Variants in SLX4IP observed in about 807,000 individuals in gnomAD.
SLX4IP encodes the protein SLX4 interacting protein.
In SLX4IP, 34 loss-of-function variants were observed where a neutral mutation model predicts 32.9. The observed-to-expected ratio is 1.03, with a 90% confidence interval of 0.79 to 1.38. The LOEUF (loss-of-function observed/expected upper bound fraction) is 1.38. Ranked by LOEUF, SLX4IP falls within the 40% of genes most tolerant of loss-of-function variation. The probability of loss-of-function intolerance (pLI) is 0.00; values close to 1 mark genes in which losing one functional copy is unlikely to be tolerated. For missense variants in SLX4IP, 444 were observed against 479.0 expected (o/e 0.93, Z 0.68); for synonymous variants, 172 against 171.7 (o/e 1.00, Z -0.01).
chr20:10,547,235 G>A (rs1600987712), intron 2 of SLX4IP, among the ~76,000 whole-genome samples: 1 of 152,204 alleles, frequency 6.6e-6, no homozygotes, highest in East Asian at 1.9e-4. Flanking sequence ...AGAAGCTGCT[G>A]TCAAAGTCAT....
At chr20:10,610,731 AT>A (rs1232250598) in intron 6 of SLX4IP, among the ~76,000 whole-genome samples, 4 of 152,138 alleles carry the variant, frequency 2.6e-5, no homozygotes, top group African/African-American at 9.7e-5. Flanking sequence ...GCCACTTTTC[AT>A]TTCACCTCCT....
intron 1 of SLX4IP, among the ~76,000 whole-genome samples, chr20:10,439,268 G>A (rs1568681600): frequency 6.6e-6 from 1 of 152,036 alleles, no homozygotes; most frequent in East Asian, 1.9e-4. Context: ...GAGTGCAGTG[G>A]TATGATCTCA....
chr20:10,616,163 C>A (rs2067026581), intron 6 of SLX4IP, among the ~76,000 whole-genome samples: 1 of 152,082 alleles, frequency 6.6e-6, no homozygotes, highest in Non-Finnish European at 1.5e-5. Context: ...TTCTCTTTCT[C>A]CCACTCTCTA....
chr20:10,472,521 T>C (rs1256533927), intron 2 of SLX4IP, among the ~76,000 whole-genome samples: 2 of 152,294 alleles, frequency 1.3e-5, no homozygotes, highest in East Asian at 1.9e-4. Flanking sequence ...TGAACCACCA[T>C]GCCCGGCCTG....
intron 4 of SLX4IP, among the ~76,000 whole-genome samples, chr20:10,567,366 A>G (rs2052037254): frequency 6.6e-6 from 1 of 152,168 alleles, no homozygotes; most frequent in African/African-American, 2.4e-5. Context: ...AAATAGTTTA[A>G]TGTTGTTTTA....
intron 2 of SLX4IP, 146 bp downstream of exon 2, chr20:10,458,377 A>T: frequency 1.6e-6 from 1 of 606,212 alleles, no homozygotes; most frequent in Non-Finnish European, 2.7e-6. Context: ...TTCAACTTTT[A>T]AGTTCTGGGG....
chr20:10,559,905 G>A (rs1193762892), intron 3 of SLX4IP, among the ~76,000 whole-genome samples: 1 of 152,176 alleles, frequency 6.6e-6, no homozygotes, highest in East Asian at 1.9e-4. Flanking sequence ...ATCAACAAGA[G>A]CGTAGAAGAA....
intron 2 of SLX4IP, among the ~76,000 whole-genome samples, chr20:10,530,745 A>C (rs751133505): frequency 6.6e-6 from 1 of 152,206 alleles, no homozygotes; most frequent in East Asian, 1.9e-4. Context: ...TAAAAAGAAA[A>C]TTAATTTTGC....
chr20:10,512,685 T>C (rs1003571335), intron 2 of SLX4IP, among the ~76,000 whole-genome samples: 1 of 142,388 alleles, frequency 7.0e-6, no homozygotes, highest in African/African-American at 2.6e-5. Flanking sequence ...TGTATATATA[T>C]TTTATATATA....
chr20:10,522,658 C>T (rs1194846213), intron 2 of SLX4IP, among the ~76,000 whole-genome samples: 1 of 152,196 alleles, frequency 6.6e-6, no homozygotes, highest in East Asian at 1.9e-4. Context: ...TCACTCAGTC[C>T]TGGGGAGGGA....
chr20:10,619,207 CTTTTTTTTTCT>C (rs2067076444), intron 6 of SLX4IP, among the ~76,000 whole-genome samples: 2 of 142,572 alleles, frequency 1.4e-5, no homozygotes, highest in Admixed American at 7.1e-5. Context: ...TTTTTCTTTT[CTTTTTTTTTCT>C]TTTTTTTTTT....
chr20:10,539,575 A>C (rs1185473497), intron 2 of SLX4IP, among the ~76,000 whole-genome samples: 1 of 151,938 alleles, frequency 6.6e-6, no homozygotes, highest in Non-Finnish European at 1.5e-5. Flanking sequence ...CTGCCTCCCT[A>C]TCTCTAATGT....
intron 2 of SLX4IP, among the ~76,000 whole-genome samples, chr20:10,480,826 C>G (rs1477590960): frequency 1.3e-5 from 2 of 152,154 alleles, no homozygotes; most frequent in African/African-American, 4.8e-5. Context: ...TCCTCTTTGC[C>G]TTTATATTTG....
At chr20:10,436,156 A>C (rs2065111968) in intron 1 of SLX4IP, among the ~76,000 whole-genome samples, 1 of 152,128 alleles carries the variant, frequency 6.6e-6, no homozygotes, top group Non-Finnish European at 1.5e-5. Context: ...CTAGCGTTAA[A>C]ACTAATATTC....
chr20:10,469,043 G>A (rs1224586219), intron 2 of SLX4IP, among the ~76,000 whole-genome samples: 3 of 151,954 alleles, frequency 2.0e-5, no homozygotes, highest in African/African-American at 4.8e-5. Context: ...AAAAAAAATC[G>A]CAAAAAAAAT....
chr20:10,608,713 C>T (rs974614969), intron 6 of SLX4IP, among the ~76,000 whole-genome samples: 2 of 150,464 alleles, frequency 1.3e-5, no homozygotes, highest in African/African-American at 2.4e-5. Context: ...AAGTCTAAGG[C>T]ACTTATACAG....
intron 4 of SLX4IP, among the ~76,000 whole-genome samples, chr20:10,576,389 G>A (rs2066523152): frequency 6.6e-6 from 1 of 152,084 alleles, no homozygotes; most frequent in Non-Finnish European, 1.5e-5. Flanking sequence ...AACTGTTCAG[G>A]TACACCTAAT....
At chr20:10,535,288 C>G (rs1007246242) in intron 2 of SLX4IP, among the ~76,000 whole-genome samples, 2 of 152,090 alleles carry the variant, frequency 1.3e-5, no homozygotes, top group African/African-American at 4.8e-5. Flanking sequence ...TGAGTCAAAA[C>G]AGGAGGAGGG....
intron 4 of SLX4IP, among the ~76,000 whole-genome samples, chr20:10,577,254 G>A (rs1444760870): frequency 1.3e-5 from 2 of 152,092 alleles, no homozygotes; most frequent in Non-Finnish European, 2.9e-5. Flanking sequence ...CATAACAAAA[G>A]TGTACAGAAT....
Sources: gnomAD v4.1 joint callset for allele counts (sites outside exome capture counted in the v4.1 genomes callset) on GRCh38, gnomAD v4.1.1 for gene constraint, MANE v1.5 for transcripts, NCBI Gene and HGNC (gene_info 2026-07-23, HGNC 2026-07-21) for gene names.